The following COX7B2 variants were observed in gnomAD, a reference collection of about 807,000 sequenced individuals.
COX7B2 encodes the protein cytochrome c oxidase subunit 7B2, also known as cytochrome c oxidase subunit 7B2, mitochondrial.
For synonymous variants in COX7B2, 37 were observed against 32.1 expected (o/e 1.15, Z -0.51); for missense variants, 109 against 95.9 (o/e 1.14, Z -0.57).
chr4:46,747,894 G>A (rs991311570), intron 2 of COX7B2, among the ~76,000 whole-genome samples: 8 of 151,448 alleles, frequency 5.3e-5, no homozygotes, highest in Admixed American at 2.0e-4. Flanking sequence ...TGAAATAATA[G>A]CCGATATGCC....
At chr4:46,902,859 A>T (rs1483497906) in intron 1 of COX7B2, among the ~76,000 whole-genome samples, 1 of 152,226 alleles carries the variant, frequency 6.6e-6, no homozygotes, top group African/African-American at 2.4e-5. Context: ...TCTGGGTAAC[A>T]GAGGGAGACC....
intron 2 of COX7B2, among the ~76,000 whole-genome samples, chr4:46,823,615 T>C (rs1340679139): frequency 2.0e-5 from 3 of 151,298 alleles, no homozygotes; most frequent in Non-Finnish European, 4.4e-5. Flanking sequence ...TAAGGTGGTA[T>C]TAGAAAGAAA....
chr4:46,888,239 G>A (rs1028328640), intron 1 of COX7B2, among the ~76,000 whole-genome samples: 2 of 152,116 alleles, frequency 1.3e-5, no homozygotes, highest in Non-Finnish European at 2.9e-5. Context: ...AATAGATGGT[G>A]CATTCAACCG....
At chr4:46,811,322 A>G (rs1306491142) in intron 2 of COX7B2, among the ~76,000 whole-genome samples, 3 of 151,018 alleles carry the variant, frequency 2.0e-5, no homozygotes, top group African/African-American at 7.3e-5. Context: ...CATCAGGCCT[A>G]TAGGCTTTTT....
chr4:46,756,977 C>T (rs1260831735), intron 2 of COX7B2, among the ~76,000 whole-genome samples: 2 of 151,994 alleles, frequency 1.3e-5, no homozygotes, highest in South Asian at 2.1e-4. Flanking sequence ...TAAAAAGATA[C>T]CTACATCTGT....
intron 1 of COX7B2, among the ~76,000 whole-genome samples, chr4:46,901,874 T>C (rs575704924): frequency 6.6e-6 from 1 of 152,274 alleles, no homozygotes; most frequent in Admixed American, 6.5e-5. Context: ...GGTATTAGAG[T>C]GGAAGTTACA....
chr4:46,863,041 A>G (rs1372546868), intron 1 of COX7B2, among the ~76,000 whole-genome samples: 1 of 152,148 alleles, frequency 6.6e-6, no homozygotes, highest in African/African-American at 2.4e-5. Flanking sequence ...AGAGTTCAGG[A>G]TTTCTTGCTT....
At chr4:46,819,414 C>CA (rs1714111299) in intron 2 of COX7B2, among the ~76,000 whole-genome samples, 1 of 152,100 alleles carries the variant, frequency 6.6e-6, no homozygotes, top group Admixed American at 6.5e-5. Flanking sequence ...ACAACAATTA[C>CA]AAACCATGGT....
intron 2 of COX7B2, among the ~76,000 whole-genome samples, chr4:46,763,078 T>C (rs1716306527): frequency 7.6e-6 from 1 of 131,092 alleles, no homozygotes; most frequent in Admixed American, 8.8e-5. Context: ...ATATAATATA[T>C]ATTACATATT....
chr4:46,754,724 GTGTGTATATA>G (rs1384090957), intron 2 of COX7B2, among the ~76,000 whole-genome samples: 1 of 46,814 alleles, frequency 2.1e-5, no homozygotes, highest in African/African-American at 8.8e-5. Flanking sequence ...GTGTGTGTGT[GTGTGTATATA>G]TATATATATA....
At chr4:46,765,785 T>C (rs1445916350) in intron 2 of COX7B2, among the ~76,000 whole-genome samples, 1 of 151,890 alleles carries the variant, frequency 6.6e-6, no homozygotes, top group Non-Finnish European at 1.5e-5. Flanking sequence ...TCCAGGATCA[T>C]GAACCCAGGA....
Position 46,885,239 on chromosome 4 carries a change from T to A in COX7B2, c.-105+23921A>T, listed in dbSNP as rs191070621. On this transcript the variant is annotated intron_variant, in intron 1 of 2. Coordinates refer to ENST00000355591, the MANE Select transcript of COX7B2 (RefSeq NM_130902.3). The stretch of plus-strand genomic sequence containing the variant: ...AGGCACTACTGGATATAAATGTGAA[T>A]TTAAAACTCATTATACTTATTAGAA... Among the ~76,000 whole-genome samples, 274 of 152,246 alleles carry A rather than the reference T, an allele frequency of 1.8e-3. 1 individual carries two copies. Among genetic ancestry groups the A allele is most frequent in the African/African-American group, 6.1e-3 (255 of 41,566 alleles).
rs1441391220 is a variant in COX7B2, at chr4:46,850,182, AAAATGATTTAATTTTAAATAATTT to A, written c.-104-5192_-104-5169del. The stretch of plus-strand genomic sequence containing the variant: ...TAAAAATAATGATTTAAAATAATTT[AAAATGATTTAATTTTAAATAATTT>A]AAATGATTTAATTTTAAATAATTTA... On this transcript the variant is annotated intron_variant, in intron 1 of 2. Transcript: ENST00000355591. 1.3e-3 allele frequency among the ~76,000 whole-genome samples: 190 copies of A among 149,564 alleles called. 2 individuals carry two copies. The highest frequency in any genetic ancestry group is 4.1e-3 in the African/African-American group (163 of 39,306).
intron 2 of COX7B2, among the ~76,000 whole-genome samples, chr4:46,841,175 T>G (rs563301382): frequency 1.3e-5 from 2 of 151,960 alleles, no homozygotes; most frequent in African/African-American, 4.8e-5. Flanking sequence ...CTCAGAAAAA[T>G]TAGCCTGCTC....
intron 2 of COX7B2, among the ~76,000 whole-genome samples, chr4:46,822,455 T>C (rs1483949323): frequency 6.6e-6 from 1 of 152,150 alleles, no homozygotes; most frequent in Non-Finnish European, 1.5e-5. Context: ...GAAGTATCTA[T>C]TTGTTGATTT....
intron 2 of COX7B2, among the ~76,000 whole-genome samples, chr4:46,781,493 C>T (rs1418638017): frequency 6.6e-6 from 1 of 152,218 alleles, no homozygotes; most frequent in Non-Finnish European, 1.5e-5. Flanking sequence ...TCAATCCTTT[C>T]CTACACATAC....
At chr4:46,803,433 C>T (rs932795277) in intron 2 of COX7B2, among the ~76,000 whole-genome samples, 1 of 151,980 alleles carries the variant, frequency 6.6e-6, no homozygotes, top group Non-Finnish European at 1.5e-5. Flanking sequence ...AGTTACTGCT[C>T]CCTGTCCAGT....
At chr4:46,908,708 T>C (rs1234859039) in intron 1 of COX7B2, among the ~76,000 whole-genome samples, 1 of 122,632 alleles carries the variant, frequency 8.2e-6, no homozygotes, top group Non-Finnish European at 1.7e-5. Flanking sequence ...CCATTCCCTC[T>C]GGGAGAAATG....
intron 1 of COX7B2, among the ~76,000 whole-genome samples, chr4:46,901,140 T>C (rs1007186932): frequency 6.6e-6 from 1 of 152,218 alleles, no homozygotes; most frequent in East Asian, 1.9e-4. Flanking sequence ...AACATTGAGG[T>C]ATGAAGGGTG....
Sources: gnomAD v4.1 joint callset for allele counts (sites outside exome capture counted in the v4.1 genomes callset) on GRCh38, gnomAD v4.1.1 for gene constraint, MANE v1.5 for transcripts, NCBI Gene and HGNC (gene_info 2026-07-23, HGNC 2026-07-21) for gene names.